The following CLSTN2 variants were observed in gnomAD, a reference collection of about 807,000 sequenced individuals.
The protein encoded by CLSTN2 is calsyntenin-2.
In CLSTN2, 48 loss-of-function variants were observed where a neutral mutation model predicts 101.2. That is an observed-to-expected ratio of 0.47 (90% CI 0.38 to 0.60). The LOEUF is 0.60. CLSTN2 is among the 20% of genes least tolerant of loss of function. The probability of loss-of-function intolerance (pLI) is 0.00; values close to 1 mark genes in which losing one functional copy is unlikely to be tolerated. For synonymous variants in CLSTN2, 481 were observed against 463.6 expected, an observed-to-expected ratio of 1.04 and a Z score of -0.48; for missense variants, 1,160 against 1,238.2, an observed-to-expected ratio of 0.94 and a Z score of 0.95.
intron 2 of CLSTN2, among the ~76,000 whole-genome samples, chr3:140,283,422 A>T (rs2086866729): frequency 6.6e-6 from 1 of 152,186 alleles, no homozygotes; most frequent in Non-Finnish European, 1.5e-5. Context: ...TAGGGACCAG[A>T]ACAGGTGATT....
At chr3:140,298,682 T>C (rs1405745351) in intron 2 of CLSTN2, among the ~76,000 whole-genome samples, 2 of 152,212 alleles carry the variant, frequency 1.3e-5, no homozygotes, top group Non-Finnish European at 2.9e-5. Context: ...GCAAAGCTTT[T>C]GTCAGGCAAA....
chr3:140,199,473 C>G (rs112281650), intron 2 of CLSTN2, among the ~76,000 whole-genome samples: 14 of 152,132 alleles, frequency 9.2e-5, no homozygotes, highest in African/African-American at 2.7e-4. Flanking sequence ...ATTTCTGATA[C>G]AGGGCCAAAT....
chr3:140,163,490 A>G (rs1444378009), intron 1 of CLSTN2, among the ~76,000 whole-genome samples: 3 of 151,826 alleles, frequency 2.0e-5, no homozygotes, highest in African/African-American at 7.3e-5. Context: ...AGAGATTGTT[A>G]TGTACTATTG....
intron 16 of CLSTN2, 62 bp downstream of exon 16, chr3:140,564,207 C>T: frequency 1.3e-6 from 2 of 1,490,242 alleles, no homozygotes; most frequent in Non-Finnish European, 1.9e-6. Flanking sequence ...CCAGCTCAAC[C>T]CTTCCTATGC....
intron 2 of CLSTN2, among the ~76,000 whole-genome samples, chr3:140,190,641 T>G (rs1400022175): frequency 6.6e-6 from 1 of 152,094 alleles, no homozygotes; most frequent in Non-Finnish European, 1.5e-5. Flanking sequence ...ACATGTTTTC[T>G]TATATTTATA....
intron 2 of CLSTN2, among the ~76,000 whole-genome samples, chr3:140,350,165 A>G (rs1189692571): frequency 6.6e-6 from 1 of 152,212 alleles, no homozygotes; most frequent in Non-Finnish European, 1.5e-5. Flanking sequence ...GGTGGACAGG[A>G]AGAAAGATAA....
chr3:139,998,676 A>T (rs146456392), intron 1 of CLSTN2, among the ~76,000 whole-genome samples: 3 of 152,126 alleles, frequency 2.0e-5, no homozygotes, highest in African/African-American at 7.2e-5. Context: ...GTCTGCAGTC[A>T]GTGTTTGATG....
chr3:140,186,324 T>G (rs1471169301), intron 2 of CLSTN2, among the ~76,000 whole-genome samples: 4 of 152,192 alleles, frequency 2.6e-5, no homozygotes, highest in Non-Finnish European at 4.4e-5. Context: ...TATTGAATAG[T>G]CCTGGAATTG....
At chr3:140,023,478 T>C (rs966165428) in intron 1 of CLSTN2, among the ~76,000 whole-genome samples, 1 of 152,088 alleles carries the variant, frequency 6.6e-6, no homozygotes, top group Admixed American at 6.5e-5. Context: ...GACACACACA[T>C]TGAGAGCAGA....
At chr3:140,536,310 A>G (rs1443711376) in intron 9 of CLSTN2, among the ~76,000 whole-genome samples, 1 of 151,908 alleles carries the variant, frequency 6.6e-6, no homozygotes, top group African/African-American at 2.4e-5. Flanking sequence ...GTTTTGCTTG[A>G]ATGATTGTGT....
chr3:140,041,396 A>G (rs1285401409), intron 1 of CLSTN2, among the ~76,000 whole-genome samples: 1 of 152,192 alleles, frequency 6.6e-6, no homozygotes, highest in Non-Finnish European at 1.5e-5. Context: ...TTGTCTCTCC[A>G]TATCCAGGAA....
intron 1 of CLSTN2, among the ~76,000 whole-genome samples, chr3:140,067,134 T>A (rs1392405753): frequency 6.6e-6 from 1 of 152,136 alleles, no homozygotes; most frequent in African/African-American, 2.4e-5. Context: ...ATACAAGCTC[T>A]CTGGGCCTCA....
At chr3:140,424,971 C>T (rs2088549434) in intron 5 of CLSTN2, among the ~76,000 whole-genome samples, 1 of 152,146 alleles carries the variant, frequency 6.6e-6, no homozygotes, top group Admixed American at 6.5e-5. Flanking sequence ...GAGCTGTGTG[C>T]ATTTGCCAGA....
intron 1 of CLSTN2, among the ~76,000 whole-genome samples, chr3:140,172,350 C>T (rs67542515): frequency 0.17 from 26,039 of 151,924 alleles, 2,459 homozygotes; most frequent in African/African-American, 0.25. Context: ...GCAAGATTTC[C>T]AATGGAGAGA....
intron 2 of CLSTN2, among the ~76,000 whole-genome samples, chr3:140,225,357 T>C (rs1429262291): frequency 6.6e-6 from 1 of 152,250 alleles, no homozygotes; most frequent in Non-Finnish European, 1.5e-5. Context: ...TGTTTCCATC[T>C]GACTTGAGCT....
intron 2 of CLSTN2, among the ~76,000 whole-genome samples, chr3:140,202,529 G>T (rs983699128): frequency 3.3e-5 from 5 of 152,204 alleles, no homozygotes; most frequent in African/African-American, 9.6e-5. Flanking sequence ...AGGCATTCAC[G>T]TTAGAACGTT....
intron 5 of CLSTN2, among the ~76,000 whole-genome samples, chr3:140,428,112 C>T (rs1402672934): frequency 6.6e-6 from 1 of 152,222 alleles, no homozygotes; most frequent in African/African-American, 2.4e-5. Context: ...GGGCACTGAC[C>T]TGTCCTTTAG....
intron 2 of CLSTN2, among the ~76,000 whole-genome samples, chr3:140,360,571 G>T (rs1283562787): frequency 1.3e-5 from 2 of 152,130 alleles, no homozygotes; most frequent in African/African-American, 4.8e-5. Context: ...GCAACCAGAA[G>T]ATGTCACTGC....
chr3:140,034,144 C>G (rs184568151), intron 1 of CLSTN2, among the ~76,000 whole-genome samples: 19 of 152,172 alleles, frequency 1.2e-4, no homozygotes, highest in Non-Finnish European at 2.5e-4. Context: ...TGAGTCAACT[C>G]TCTATTTGTT....
Sources: allele counts gnomAD v4.1 joint callset (sites outside exome capture counted in the v4.1 genomes callset), GRCh38; gene constraint gnomAD v4.1.1; transcripts MANE v1.5; gene names NCBI Gene and HGNC (gene_info 2026-07-23, HGNC 2026-07-21).